The following NCAPD3 variants were observed in gnomAD, a reference collection of about 807,000 sequenced individuals.
NCAPD3 encodes the protein non-SMC condensin II complex subunit D3.
A neutral mutation model predicts 182.9 loss-of-function variants in NCAPD3; 105 were observed. That is an observed-to-expected ratio of 0.57 (90% CI 0.49 to 0.68). The LOEUF (loss-of-function observed/expected upper bound fraction) is 0.68, where lower values mean the gene tolerates loss of function less well. Ranked by LOEUF, NCAPD3 falls within the 30% of genes least tolerant of loss-of-function variation. The pLI is 0.00. For missense variants in NCAPD3, 1,944 were observed against 1,837.0 expected, an observed-to-expected ratio of 1.06 and a Z score of -1.07; for synonymous variants, 815 against 679.9, an observed-to-expected ratio of 1.20 and a Z score of -3.09.
At chr11:134,171,310 A>C (rs1381493299) in intron 24 of NCAPD3, among the ~76,000 whole-genome samples, 1 of 152,208 alleles carries the variant, frequency 6.6e-6, no homozygotes, top group Non-Finnish European at 1.5e-5. Context: ...GCCTTGTAAA[A>C]AGAAGTTATT....
chr11:134,184,808 TATACACACACACACAC>T, intron 18 of NCAPD3, 56 bp from the exon 19 acceptor site: 13 of 954,924 alleles, frequency 1.4e-5, no homozygotes, highest in Admixed American at 2.2e-5. Context: ...TTCAGGTATA[TATACACACACACACAC>T]ACACACACAC....
chr11:134,210,624 GCGC>G (rs1937798938), intron 3 of NCAPD3, among the ~76,000 whole-genome samples, 170 bp from the exon 4 acceptor site: 1 of 152,244 alleles, frequency 6.6e-6, no homozygotes, highest in African/African-American at 2.4e-5. Context: ...AGAGGAGACA[GCGC>G]TGCATCAGAG....
intron 20 of NCAPD3, among the ~76,000 whole-genome samples, chr11:134,179,732 C>G (rs190443134): frequency 7.9e-5 from 12 of 152,282 alleles, no homozygotes; most frequent in Admixed American, 5.9e-4. Flanking sequence ...TGCTGTGTTT[C>G]TTCATAACAT....
intron 16 of NCAPD3, among the ~76,000 whole-genome samples, chr11:134,191,682 CTAT>C (rs1259212015): frequency 6.6e-6 from 1 of 152,156 alleles, no homozygotes; most frequent in East Asian, 1.9e-4. Flanking sequence ...GCAGTAGACT[CTAT>C]TATTAGCTAA....
intron 27 of NCAPD3, among the ~76,000 whole-genome samples, chr11:134,164,068 A>G (rs1400397536): frequency 6.6e-6 from 1 of 152,142 alleles, no homozygotes; most frequent in Non-Finnish European, 1.5e-5. Context: ...GCAAGATATG[A>G]TCAGAGTCTA....
rs1238920227 is a variant in NCAPD3, at chr11:134,159,898, C to A, written c.3861G>T (p.Val1287=). ...CAGTGGGCCCCACACCTACCTGTGC[C>A]ACAGGTGCCACCTCAGCACCTCCAG... ...GTAGGAEVAP[V]AQVALCLETV... The change falls in exon 29 of 35, where the codon GTG becomes GTT. Residue 1287 remains valine (V), a synonymous_variant. Transcript: ENST00000534548. 2.5e-6 allele frequency: 4 copies of A among 1,612,332 alleles called. No individual in the cohort carries two copies. Among genetic ancestry groups the A allele is most frequent in the Middle Eastern group, 1.7e-4 (1 of 6,018 alleles).
intron 13 of NCAPD3, among the ~76,000 whole-genome samples, chr11:134,201,773 A>G (rs1341518168): frequency 2.0e-5 from 3 of 152,260 alleles, no homozygotes; most frequent in Non-Finnish European, 4.4e-5. Context: ...TCTGGAGCCA[A>G]CACAAACATT....
In NCAPD3 at chr11:134,209,401, G is replaced by A; in HGVS notation, c.644C>T (p.Ala215Val). The change falls in exon 5 of 35, where the codon GCC becomes GTC. Residue 215 changes from alanine (A) to valine (V), a missense_variant. Coordinates refer to ENST00000534548, the MANE Select transcript of NCAPD3 (RefSeq NM_015261.3). ...AAAATTCTTTAAAAGGTGAAAGATG[G>A]CATTTCGAATTTGAGAAAGGTCCCG... ...SARDLSQIRN[A>V]IFHLLKNFLR... 6.2e-7 allele frequency: 1 copy of A among 1,613,828 alleles called. No individual in the cohort carries two copies. The highest frequency in any genetic ancestry group is 8.5e-7 in the Non-Finnish European group (1 of 1,179,800).
intron 16 of NCAPD3, among the ~76,000 whole-genome samples, chr11:134,191,631 T>C (rs933259863): frequency 1.3e-5 from 2 of 152,208 alleles, no homozygotes; most frequent in African/African-American, 2.4e-5. Flanking sequence ...AATTAATACA[T>C]AGAGCATGCA....
chr11:134,170,885 T>C (rs1943990708), intron 24 of NCAPD3, among the ~76,000 whole-genome samples: 1 of 152,234 alleles, frequency 6.6e-6, no homozygotes, highest in Non-Finnish European at 1.5e-5. Flanking sequence ...GGCTGCTGTA[T>C]TCACTGGGAC....
intron 19 of NCAPD3, chr11:134,183,124 CT>C (rs1944331611): frequency 2.2e-6 from 1 of 456,306 alleles, no homozygotes; most frequent in Non-Finnish European, 4.4e-6. Context: ...TGACTGCGCG[CT>C]GTACACATGA....
intron 30 of NCAPD3, 128 bp downstream of exon 30, chr11:134,158,201 G>C: frequency 6.6e-7 from 1 of 1,522,220 alleles, no homozygotes; most frequent in South Asian, 1.2e-5. Context: ...CCAGGGCACA[G>C]TGTGGAGCGG....
intron 27 of NCAPD3, among the ~76,000 whole-genome samples, chr11:134,166,769 A>G (rs1943824151): frequency 9.6e-6 from 1 of 104,060 alleles, no homozygotes; most frequent in Admixed American, 1.1e-4. Flanking sequence ...TCGTGAGATG[A>G]GCTTGGGGGA....
At chr11:134,200,054 G>A (rs1944718602) in intron 13 of NCAPD3, among the ~76,000 whole-genome samples, 1 of 152,116 alleles carries the variant, frequency 6.6e-6, no homozygotes, top group African/African-American at 2.4e-5. Flanking sequence ...ATGCAAAGGA[G>A]TGAAGGTGGA....
intron 2 of NCAPD3, 25 bp downstream of exon 2, chr11:134,220,547 G>C: frequency 6.3e-7 from 1 of 1,590,814 alleles, no homozygotes; most frequent in Non-Finnish European, 8.6e-7. Context: ...ACCAAACTTT[G>C]GCTAGTTTGT....
At position 134,184,687 on chromosome 11, in the gene NCAPD3, C is replaced by A. The variant is rs759175654; in HGVS notation, c.2401G>T (p.Ala801Ser). 5 of 1,613,880 alleles carry A rather than the reference C, an allele frequency of 3.1e-6. No homozygotes were observed. Among genetic ancestry groups the A allele is most frequent in the Non-Finnish European group, 4.2e-6 (5 of 1,179,978 alleles). The change falls in exon 19 of 35, where the codon GCC becomes TCC. Residue 801 changes from alanine (A) to serine (S), a missense_variant. Transcript: ENST00000534548. ...SLEVISSAVD[A>S]LQRLCRASAE... Reference sequence around the variant, plus strand: ...GATGCTCTACAAAGCCTCTGCAAGGCGTCAACAGCTGAACTGATCACCTCT... The same window carrying A: ...GATGCTCTACAAAGCCTCTGCAAGGAGTCAACAGCTGAACTGATCACCTCT...
rs972751806 is a variant in NCAPD3 at position 134,184,540 on chromosome 11, CTTAT to C, written c.2451+93_2451+96del. 4.4e-5 allele frequency: 36 copies of C among 826,266 alleles called. No individual in the cohort carries two copies. In the East Asian group the frequency reaches 6.2e-4, roughly 14 times the overall value. 51.2% of individuals were successfully genotyped at this position (826,266 alleles called of 1,614,324 possible). A position where few individuals can be genotyped will look rare whatever the true frequency, so the allele number is the denominator to read the frequency against. ...TGCGGGGGACATCCTTACACGTCCT[CTTAT>C]TTATAGAGAATGCTCCTCACACTTC... is the stretch of plus-strand genomic sequence containing the variant. On this transcript the variant is annotated intron_variant, in intron 19 of 34. Transcript: ENST00000534548.
rs1480350847 is a variant in NCAPD3 at position 134,203,035 on chromosome 11, G to A, written c.1525+107C>T. ...AATTTCAACCTCTCTCATGAAAAAA[G>A]TACAATGTTAAAGCAGGTAAATAAG... On this transcript the variant is annotated intron_variant, in intron 12 of 34. Coordinates refer to ENST00000534548, the MANE Select transcript of NCAPD3 (RefSeq NM_015261.3). 1.0e-5 allele frequency: 12 copies of A among 1,184,170 alleles called. No homozygotes were observed. In the Admixed American group the frequency reaches 2.8e-4, roughly 27 times the overall value. 73.4% of individuals were successfully genotyped at this position (1,184,170 alleles called of 1,614,324 possible). A position where few individuals can be genotyped will look rare whatever the true frequency, so the allele number is the denominator to read the frequency against.
chr11:134,192,787 C>T lies in NCAPD3; in HGVS notation c.1947G>A (p.Gln649=), dbSNP rs1163479806. The T allele has an allele frequency of 5.0e-6, 8 of 1,614,120 alleles. No individual in the cohort carries two copies. The highest frequency in any genetic ancestry group is 6.8e-6 in the Non-Finnish European group (8 of 1,180,052). The part of the protein sequence containing the change: ...ALEFLDQLLL[Q]NIRHHSHFHS... ...GAAAATGACTGTGATGCCGGATGTT[C>T]TGCAGCAGCAGCTGGTCCAGGAACT... is the stretch of plus-strand genomic sequence containing the variant. The change falls in exon 16 of 35, where the codon CAG becomes CAA. Residue 649 remains glutamine, a synonymous_variant. Coordinates refer to ENST00000534548, the MANE Select transcript of NCAPD3 (RefSeq NM_015261.3).
Sources: allele counts gnomAD v4.1 joint callset (sites outside exome capture counted in the v4.1 genomes callset), GRCh38; gene constraint gnomAD v4.1.1; transcripts MANE v1.5; gene names NCBI Gene and HGNC (gene_info 2026-07-23, HGNC 2026-07-21).